The following SPHKAP variants were observed in gnomAD, a reference collection of about 807,000 sequenced individuals.
SPHKAP encodes the protein SPHK1 interactor, AKAP domain containing, also known as A-kinase anchor protein SPHKAP.
SPHKAP carries 67 observed loss-of-function variants against 137.5 expected under a neutral mutation model. The ratio of observed to expected loss-of-function variants is 0.49; its 90% CI spans 0.40 to 0.60. The LOEUF is 0.60. SPHKAP is among the 20% of genes least tolerant of loss of function. The probability of loss-of-function intolerance (pLI) is 0.00; values close to 1 mark genes in which losing one functional copy is unlikely to be tolerated. For synonymous variants in SPHKAP, 813 were observed against 785.3 expected (o/e 1.04, Z -0.59); for missense variants, 2,097 against 2,069.3 (o/e 1.01, Z -0.26).
intron 1 of SPHKAP, among the ~76,000 whole-genome samples, chr2:228,140,704 G>C (rs1489946622): frequency 6.6e-6 from 1 of 152,070 alleles, no homozygotes; most frequent in African/African-American, 2.4e-5. Flanking sequence ...TCATGGGGGG[G>C]TGGATTTCTC....
At position 228,124,049 on chromosome 2, in the gene SPHKAP, AG is replaced by A. The variant is rs546216945; in HGVS notation, c.138+7930del. Among the ~76,000 whole-genome samples the A allele has an allele frequency of 5.9e-5, 9 of 151,808 alleles. No individual in the cohort carries two copies. In the East Asian group the frequency reaches 1.6e-3, roughly 26 times the overall value. ...CCACGATGAGATACCATCTTGCACC[AG>A]TTAGAATGGCAATCATTAAAAAGTC... On this transcript the variant is annotated intron_variant, in intron 2 of 11. Coordinates refer to ENST00000392056, the MANE Select transcript of SPHKAP (RefSeq NM_001142644.2).
intron 3 of SPHKAP, among the ~76,000 whole-genome samples, chr2:228,100,094 C>A (rs1698142986): frequency 6.6e-6 from 1 of 152,150 alleles, no homozygotes; most frequent in South Asian, 2.1e-4. Flanking sequence ...TCGTGATCCA[C>A]CCGCCTCGGC....
At chr2:228,015,982 A>G (rs1362959939) in intron 7 of SPHKAP, among the ~76,000 whole-genome samples, 1 of 152,156 alleles carries the variant, frequency 6.6e-6, no homozygotes, top group Non-Finnish European at 1.5e-5. Context: ...TAATATTATT[A>G]TTTGCTTAAA....
In SPHKAP at chr2:228,017,902, C is replaced by G. The variant is rs765391691; in HGVS notation, c.2952G>C (p.Glu984Asp). 2 of 1,614,144 alleles carry G rather than the reference C, an allele frequency of 1.2e-6. No individual in the cohort carries two copies. The highest frequency in any genetic ancestry group is 1.1e-5 in the South Asian group (1 of 91,082). Residue 984 changes from glutamate (E) to aspartate (D), a missense_variant, in exon 7 of 12, where the codon GAG becomes GAC. Transcript: ENST00000392056. The stretch of plus-strand genomic sequence containing the variant: ...TCACAGCGGTCCCGCTCCCCTGGCT[C>G]TCTTTCTTCCTCTTCAAGGATCGGC... ...VPCRSLKRKKESQGSGTAVRK... is the reference protein window; with the variant it reads ...VPCRSLKRKKDSQGSGTAVRK...
At chr2:228,030,535 ACAAAAAAC>A (rs1695261778) in intron 3 of SPHKAP, among the ~76,000 whole-genome samples, 2 of 56,688 alleles carry the variant, frequency 3.5e-5, no homozygotes, top group South Asian at 1.4e-3. Flanking sequence ...AAAAAAAACA[ACAAAAAAC>A]AAAAAAAAAA....
chr2:228,127,185 T>C (rs187097236), intron 2 of SPHKAP, among the ~76,000 whole-genome samples: 1 of 152,374 alleles, frequency 6.6e-6, no homozygotes, highest in Admixed American at 6.5e-5. Flanking sequence ...TAACTGTCCT[T>C]GTTCTTTTTG....
chr2:228,072,258 C>T (rs956736016), intron 3 of SPHKAP, among the ~76,000 whole-genome samples: 2 of 152,208 alleles, frequency 1.3e-5, no homozygotes, highest in African/African-American at 4.8e-5. Context: ...GATCATGAAA[C>T]TTCTCAGTCT....
At position 228,092,410 on chromosome 2, in the gene SPHKAP, T is replaced by C. The variant is rs538139412; in HGVS notation, c.246+16422A>G. ...ATATACATATATACACATATACACA[T>C]ATATACATATATACATATATGTATA... On this transcript the variant is annotated intron_variant, in intron 3 of 11. Coordinates refer to ENST00000392056, the MANE Select transcript of SPHKAP (RefSeq NM_001142644.2). 3.9e-3 allele frequency among the ~76,000 whole-genome samples: 371 copies of C among 95,446 alleles called. 10 individuals are homozygous for C. The highest frequency in any genetic ancestry group is 9.8e-3 in the South Asian group (32 of 3,266). 62.6% of individuals were successfully genotyped at this position (95,446 alleles called of 152,430 possible). A position where few individuals can be genotyped will look rare whatever the true frequency, so the allele number is the denominator to read the frequency against.
chr2:228,177,080 TGTAAGGACCCATTTACAAGATCATGGA>T (rs202152165), intron 1 of SPHKAP, among the ~76,000 whole-genome samples: 18,717 of 151,872 alleles, frequency 0.12, 1,165 homozygotes, highest in East Asian at 0.19. Context: ...ATGAGATGAT[TGTAAGGACCCATTTACAAGATCATGGA>T]GTAAGGACCC....
intron 2 of SPHKAP, among the ~76,000 whole-genome samples, chr2:228,112,722 A>C (rs904946489): frequency 3.3e-5 from 5 of 152,102 alleles, no homozygotes; most frequent in Non-Finnish European, 5.9e-5. Context: ...CCTGCACTTA[A>C]CTTCTCTAAC....
chr2:228,046,550 C>T (rs1019645724), intron 3 of SPHKAP, among the ~76,000 whole-genome samples: 3 of 152,088 alleles, frequency 2.0e-5, no homozygotes, highest in African/African-American at 7.2e-5. Context: ...GCCAACACTT[C>T]ATATTCTTTA....
At chr2:228,028,122 A>G (rs929426632) in intron 3 of SPHKAP, 1 of 891,810 alleles carries the variant, frequency 1.1e-6, no homozygotes, top group South Asian at 5.2e-5. Flanking sequence ...TATTAGAGCC[A>G]ATAGAACAGT....
intron 1 of SPHKAP, chr2:228,172,908 A>G (rs1203504364): frequency 6.9e-6 from 3 of 433,886 alleles, no homozygotes; most frequent in African/African-American, 6.5e-5. Context: ...TGCATTGGCC[A>G]AATCATATTA....
chr2:228,153,137 CCT>C (rs1699988970), intron 1 of SPHKAP, among the ~76,000 whole-genome samples: 4 of 152,250 alleles, frequency 2.6e-5, no homozygotes, highest in African/African-American at 7.2e-5. Context: ...GTCAATTAAA[CCT>C]CTTTTTCTTT....
At chr2:228,177,813 T>C (rs1001341223) in intron 1 of SPHKAP, among the ~76,000 whole-genome samples, 3 of 152,188 alleles carry the variant, frequency 2.0e-5, no homozygotes, top group African/African-American at 7.2e-5. Context: ...TTATTACACA[T>C]GGAGAAAATC....
intron 7 of SPHKAP, among the ~76,000 whole-genome samples, chr2:228,004,507 G>T (rs1694049349): frequency 6.6e-6 from 1 of 152,062 alleles, no homozygotes; most frequent in South Asian, 2.1e-4. Context: ...CAAAAAATCA[G>T]CTCCTGGATT....
intron 11 of SPHKAP, among the ~76,000 whole-genome samples, chr2:227,989,016 A>T (rs1042189423): frequency 6.6e-6 from 1 of 152,220 alleles, no homozygotes; most frequent in African/African-American, 2.4e-5. Context: ...TGAAAAATGA[A>T]TTAGGTCTCC....
chr2:228,100,591 T>C (rs1336223164), intron 3 of SPHKAP, among the ~76,000 whole-genome samples: 1 of 150,530 alleles, frequency 6.6e-6, no homozygotes, highest in Non-Finnish European at 1.5e-5. Flanking sequence ...TCTGCATCTA[T>C]TGAGATGATA....
chr2:228,177,446 A>T (rs900288015), intron 1 of SPHKAP, among the ~76,000 whole-genome samples: 4 of 152,190 alleles, frequency 2.6e-5, no homozygotes, highest in African/African-American at 4.8e-5. Context: ...GAATGAAGTT[A>T]AGTGTACTCT....
Sources: allele counts gnomAD v4.1 joint callset (sites outside exome capture counted in the v4.1 genomes callset), GRCh38; gene constraint gnomAD v4.1.1; transcripts MANE v1.5; gene names NCBI Gene and HGNC (gene_info 2026-07-23, HGNC 2026-07-21).